The following PRR5 variants were observed in gnomAD, a reference collection of about 807,000 sequenced individuals.
PRR5 encodes the protein proline rich 5, also known as proline-rich protein 5.
In PRR5, 25 loss-of-function variants were observed where a neutral mutation model predicts 30.6. That is an observed-to-expected ratio of 0.82 (90% CI 0.60 to 1.14). The LOEUF (loss-of-function observed/expected upper bound fraction) is 1.14, where lower values mean the gene tolerates loss of function less well. Ranked by LOEUF, PRR5 falls within the 50% of genes most tolerant of loss-of-function variation. PRR5 has a pLI of 0.00. For missense variants in PRR5, 600 were observed against 547.1 expected, an observed-to-expected ratio of 1.10 and a Z score of -0.96; for synonymous variants, 286 against 247.1, an observed-to-expected ratio of 1.16 and a Z score of -1.48.
chr22:44,725,202 G>A (rs552705079), intron 2 of PRR5, 42 bp from the exon 3 acceptor site: 23 of 1,610,360 alleles, frequency 1.4e-5, no homozygotes, highest in Middle Eastern at 1.7e-4. Context: ...TGCCAGTGCC[G>A]TGTGGTCTGG....
Position 44,732,846 on chromosome 22 carries a change from A to G in PRR5, c.555+455A>G, listed in dbSNP as rs200871761. 2.6e-3 allele frequency among the ~76,000 whole-genome samples: 35 copies of G among 13,442 alleles called. 1 individual carries two copies. Among genetic ancestry groups the G allele is most frequent in the African/African-American group, 4.1e-3 (34 of 8,250 alleles). 8.8% of individuals were successfully genotyped at this position (13,442 alleles called of 152,430 possible). On this transcript the variant is annotated intron_variant, in intron 6 of 7. Coordinates refer to ENST00000336985, the MANE Select transcript of PRR5 (RefSeq NM_181333.4). ...GTGCACGCACATACTACACACGTGC[A>G]CACACGTGCACACGCACATACTACA...
intron 1 of PRR5, among the ~76,000 whole-genome samples, chr22:44,708,695 C>T (rs1016945929): frequency 5.3e-5 from 8 of 151,932 alleles, no homozygotes; most frequent in African/African-American, 1.7e-4. Flanking sequence ...GGCCAAACGC[C>T]GTAGCTCATG....
intron 1 of PRR5, among the ~76,000 whole-genome samples, chr22:44,708,264 G>A (rs917310702): frequency 6.6e-5 from 10 of 152,302 alleles, no homozygotes; most frequent in South Asian, 4.1e-4. Context: ...ACTCGATCAA[G>A]ATCCCCTGCT....
In PRR5 at chr22:44,737,154, G is replaced by A. The variant is rs146928678; in HGVS notation, c.1074G>A (p.Ser358=). ...ACCAGATCCTGGAGTCCGTGGACTC[G>A]GATTCTGAAGGGATTTTCATTGACT... is the stretch of plus-strand genomic sequence containing the variant. ...LVDQILESVD[S]DSEGIFIDFG... is the part of the protein sequence containing the mutation. The change falls in exon 8 of 8, where the codon TCG becomes TCA. Residue 358 remains serine, a synonymous_variant. Transcript: ENST00000336985. 73 of 1,612,582 alleles carry A rather than the reference G, an allele frequency of 4.5e-5. No individual in the cohort carries two copies. The highest frequency in any genetic ancestry group is 5.8e-5 in the Non-Finnish European group (69 of 1,180,012).
At chr22:44,679,988 G>A in intron 1 of PRR5, 1 of 1,072,032 alleles carries the variant, frequency 9.3e-7, no homozygotes, top group Non-Finnish European at 1.4e-6. Flanking sequence ...GACGGCGAGA[G>A]ACCCACGGGG....
intron 4 of PRR5, chr22:44,730,188 A>G: frequency 1.0e-6 from 1 of 985,370 alleles, no homozygotes; most frequent in Non-Finnish European, 1.2e-6. Context: ...CCAGAGAGTG[A>G]GAAAAAGGCA....
upstream of PRR5, among the ~76,000 whole-genome samples, chr22:44,699,289 G>A (rs1360752365): frequency 6.6e-6 from 1 of 152,150 alleles, no homozygotes; most frequent in Admixed American, 6.5e-5. Context: ...CTCCCTCTCT[G>A]GAGCTGGCCC....
chr22:44,677,695 C>T (rs763212), intron 1 of PRR5, among the ~76,000 whole-genome samples: 25,783 of 152,032 alleles, frequency 0.17, 3,102 homozygotes, highest in African/African-American at 0.32. Flanking sequence ...GCTTATGCCA[C>T]GGTGAGGGGA....
intron 2 of PRR5, among the ~76,000 whole-genome samples, chr22:44,718,181 T>C (rs1179375832): frequency 1.4e-5 from 2 of 146,730 alleles, no homozygotes; most frequent in Non-Finnish European, 3.0e-5. Flanking sequence ...TGGATGCACG[T>C]TTTCATCTCT....
intron 1 of PRR5, among the ~76,000 whole-genome samples, chr22:44,682,765 T>A (rs763886462): frequency 6.6e-6 from 1 of 152,078 alleles, no homozygotes; most frequent in Non-Finnish European, 1.5e-5. Context: ...CTAAGCCATG[T>A]TATAATTACA....
At chr22:44,702,701 G>A (rs1926531099) in intron 1 of PRR5, 93 bp downstream of exon 1, 10 of 1,225,492 alleles carry the variant, frequency 8.2e-6, no homozygotes, top group Non-Finnish European at 9.2e-6. Flanking sequence ...CCCGAGCCAG[G>A]AACGCTGCCG....
chr22:44,715,269 G>A (rs1167730727), intron 2 of PRR5, among the ~76,000 whole-genome samples: 1 of 152,110 alleles, frequency 6.6e-6, no homozygotes, highest in Non-Finnish European at 1.5e-5. Flanking sequence ...CAAGTGACTC[G>A]CCCCAGATCA....
At chr22:44,689,894 C>G (rs1235224853) in intron 1 of PRR5, among the ~76,000 whole-genome samples, 1 of 145,312 alleles carries the variant, frequency 6.9e-6, no homozygotes, top group African/African-American at 2.4e-5. Flanking sequence ...AGTGATCTGC[C>G]CGCCTCGGCT....
At chr22:44,713,261 G>A (rs1057014404) in intron 1 of PRR5, among the ~76,000 whole-genome samples, 6 of 152,204 alleles carry the variant, frequency 3.9e-5, no homozygotes, top group African/African-American at 1.4e-4. Context: ...GTCATCCGAG[G>A]TCCAGGCAAG....
chr22:44,737,046 G>A lies in PRR5; in HGVS notation c.966G>A (p.Leu322=). 2 of 1,607,228 alleles carry A rather than the reference G, an allele frequency of 1.2e-6. No individual in the cohort carries two copies. Among genetic ancestry groups the A allele is most frequent in the East Asian group, 2.2e-5 (1 of 44,740 alleles). ...APHSGPCPSR[L]YPTTQPPEQG... is the part of the protein sequence containing the mutation. ...ACTCAGGGCCCTGCCCCAGCAGACT[G>A]TACCCCACGACCCAGCCCCCTGAGC... The change falls in exon 8 of 8, where the codon CTG becomes CTA. Residue 322 remains leucine (L), a synonymous_variant. Transcript: ENST00000336985.
In PRR5 at chr22:44,702,358, G is replaced by C. The variant is rs1926453961; in HGVS notation, c.-117G>C. On this transcript the variant is annotated 5_prime_UTR_variant, in exon 1 of 8. Coordinates refer to ENST00000336985, the MANE Select transcript of PRR5 (RefSeq NM_181333.4). ...ACCCCGCAGGACCGCTCGGCTTCCTGCTCTCGCCGGAGTTTCCGCGTAGAG... is the reference window on the plus strand; with the variant it reads ...ACCCCGCAGGACCGCTCGGCTTCCTCCTCTCGCCGGAGTTTCCGCGTAGAG... The C allele has an allele frequency of 8.4e-7, 1 of 1,185,532 alleles. No homozygotes were observed. Among genetic ancestry groups the C allele is most frequent in the Non-Finnish European group, 1.0e-6 (1 of 956,314 alleles). 73.4% of individuals were successfully genotyped at this position (1,185,532 alleles called of 1,614,324 possible).
At chr22:44,694,298 G>C (rs1364665649) in intron 1 of PRR5, among the ~76,000 whole-genome samples, 1 of 152,164 alleles carries the variant, frequency 6.6e-6, no homozygotes, top group Non-Finnish European at 1.5e-5. Context: ...AGGACTTTGA[G>C]AAGCCAAGGC....
At chr22:44,736,615 G>T (rs1163568266) in intron 7 of PRR5, among the ~76,000 whole-genome samples, 157 bp from the exon 8 acceptor site, 3 of 112,248 alleles carry the variant, frequency 2.7e-5, no homozygotes, top group African/African-American at 1.3e-4. Context: ...GCTGGTGTCA[G>T]GGCTTGTGGC....
At chr22:44,717,635 G>C (rs1301890825) in intron 2 of PRR5, among the ~76,000 whole-genome samples, 1 of 151,990 alleles carries the variant, frequency 6.6e-6, no homozygotes, top group Non-Finnish European at 1.5e-5. Flanking sequence ...AGGTAGAGCA[G>C]GTAGCCCTTC....
Sources: allele counts gnomAD v4.1 joint callset (sites outside exome capture counted in the v4.1 genomes callset), GRCh38; gene constraint gnomAD v4.1.1; transcripts MANE v1.5; gene names NCBI Gene and HGNC (gene_info 2026-07-23, HGNC 2026-07-21).